F8: variants seen among roughly 807,000 people sequenced by gnomAD.
F8 encodes antihemophilic factor.
F8 carries 12 observed loss-of-function variants against 140.6 expected under a neutral mutation model. That is an observed-to-expected ratio of 0.09 (90% CI 0.05 to 0.14). The LOEUF (loss-of-function observed/expected upper bound fraction) is 0.14, where lower values mean the gene tolerates loss of function less well. Among genes scored for constraint, F8 ranks in the 10% least tolerant of loss-of-function variants. F8 has a pLI of 1.00. For missense variants in F8, 1,354 were observed against 1,720.7 expected (o/e 0.79, Z 3.77); for synonymous variants, 585 against 614.6 (o/e 0.95, Z 0.71).
chrX:154,940,944 C>A (rs1200466780), intron 13 of F8, among the ~76,000 whole-genome samples: 1 of 111,490 alleles, frequency 9.0e-6, no homozygotes, highest in African/African-American at 3.3e-5. Flanking sequence ...GAAATAAAAT[C>A]CTTTACAGAC....
chrX:154,869,084 CCA>C (rs368794953), intron 22 of F8, among the ~76,000 whole-genome samples: 90 of 111,182 alleles, frequency 8.1e-4, no homozygotes, highest in African/African-American at 2.9e-3. Context: ...ACGTAGACTC[CCA>C]CACAATAATA....
In F8 at chrX:154,999,614, G is replaced by C; in HGVS notation, c.144-14C>G. On this transcript the variant is annotated splice_polypyrimidine_tract_variant and intron_variant, in intron 1 of 25. Coordinates refer to ENST00000360256, the MANE Select transcript of F8 (RefSeq NM_000132.4). ...CTAGGAGGAAATCTGCGTGAAGAAAGGAAAAAGTCGTTCATTTTGGTGGAC... is the reference window on the plus strand; with the variant it reads ...CTAGGAGGAAATCTGCGTGAAGAAACGAAAAAGTCGTTCATTTTGGTGGAC... The C allele has an allele frequency of 8.3e-7, 1 of 1,198,681 alleles. No homozygotes were observed. Among genetic ancestry groups the C allele is most frequent in the Non-Finnish European group, 1.1e-6 (1 of 887,055 alleles).
chrX:154,948,108 C>T (rs1469980001), intron 12 of F8, among the ~76,000 whole-genome samples: 1 of 111,062 alleles, frequency 9.0e-6, no homozygotes, highest in African/African-American at 3.3e-5. Context: ...AGTCATAAAC[C>T]ATCATGATAA....
intron 3 of F8, among the ~76,000 whole-genome samples, chrX:154,995,139 T>C (rs1175257507): frequency 2.7e-5 from 3 of 111,999 alleles, no homozygotes; most frequent in Non-Finnish European, 5.6e-5. Context: ...GGCACATGTT[T>C]GTTTGTTATA....
At chrX:154,872,208 C>T (rs944472991) in intron 22 of F8, among the ~76,000 whole-genome samples, 4 of 111,783 alleles carry the variant, frequency 3.6e-5, no homozygotes, top group Non-Finnish European at 7.5e-5. Flanking sequence ...GGCATATACC[C>T]AAAGGATTAT....
In F8 at chrX:154,930,116, T is replaced by C. The variant is rs201205760; in HGVS notation, c.3674A>G (p.Gln1225Arg). ...TATCTGAGGCAAAACTACATTCTCT[T>C]GGATTAATGTTTCCTTCTTTTCTAT... is the stretch of plus-strand genomic sequence containing the variant. ...EEIEKKETLI[Q>R]ENVVLPQIHT... Residue 1225 changes from glutamine to arginine, a missense_variant, in exon 14 of 26, where the codon CAA becomes CGA. By Grantham distance (43) the Gln-to-Arg change is conservative. Transcript: ENST00000360256. 2.4e-5 allele frequency: 29 copies of C among 1,208,084 alleles called. No homozygotes were observed. Among genetic ancestry groups the C allele is most frequent in the Non-Finnish European group, 3.2e-5 (29 of 894,018 alleles).
intron 9 of F8, among the ~76,000 whole-genome samples, chrX:154,962,893 C>CGAGA (rs141726799): frequency 0.022 from 2,137 of 95,863 alleles, 26 homozygotes; most frequent in Middle Eastern, 0.042. Context: ...GAGACAGAGA[C>CGAGA]GAGAGAGAGA....
chrX:154,911,241 G>A (rs1398762254), intron 14 of F8, among the ~76,000 whole-genome samples: 1 of 108,021 alleles, frequency 9.3e-6, no homozygotes. Flanking sequence ...TCTTTTCTCA[G>A]TCTCTCGTCC....
chrX:154,924,842 A>G (rs1222908730), intron 14 of F8, among the ~76,000 whole-genome samples: 1 of 112,656 alleles, frequency 8.9e-6, no homozygotes, highest in Non-Finnish European at 1.9e-5. Flanking sequence ...CTATGAAGCC[A>G]CAGCCTGAGC....
chrX:154,965,329 G>A (rs782467691), intron 9 of F8, among the ~76,000 whole-genome samples: 43 of 111,364 alleles, frequency 3.9e-4, no homozygotes, highest in African/African-American at 1.3e-3. Flanking sequence ...ATTCTTCAGC[G>A]GCTGAATTTA....
At chrX:155,000,442 G>T (rs903511335) in intron 1 of F8, among the ~76,000 whole-genome samples, 2 of 112,274 alleles carry the variant, frequency 1.8e-5, no homozygotes. Context: ...ATGCCATAAA[G>T]AGCCTCTCTT....
intron 22 of F8, among the ~76,000 whole-genome samples, chrX:154,864,918 CTTAT>C (rs2072720363): frequency 9.0e-6 from 1 of 111,148 alleles, no homozygotes. Context: ...AGAAAGGAAA[CTTAT>C]TTAAAGAAAT....
At chrX:154,964,119 G>A (rs781911015) in intron 9 of F8, among the ~76,000 whole-genome samples, 1 of 110,031 alleles carries the variant, frequency 9.1e-6, no homozygotes, top group Admixed American at 9.7e-5. Flanking sequence ...ATTTGTACAT[G>A]TATGCACTAC....
chrX:155,001,969 A>C (rs2073648851), intron 1 of F8, among the ~76,000 whole-genome samples: 2 of 112,332 alleles, frequency 1.8e-5, no homozygotes, highest in African/African-American at 3.2e-5. Context: ...TTATGTTGTA[A>C]ACTGAAACTG....
chrX:154,953,071 C>T (rs1167715833), intron 12 of F8, among the ~76,000 whole-genome samples: 2 of 111,796 alleles, frequency 1.8e-5, no homozygotes, highest in Admixed American at 9.5e-5. Flanking sequence ...TATTCTATTT[C>T]GCATTTCCCT....
At chrX:154,859,826 G>A (rs1557272708) in intron 25 of F8, among the ~76,000 whole-genome samples, 1 of 111,110 alleles carries the variant, frequency 9.0e-6, no homozygotes, top group African/African-American at 3.3e-5. Context: ...AGTGGCAGTA[G>A]AGGGTAGCTA....
chrX:155,014,540 T>G (rs782389612), intron 1 of F8, among the ~76,000 whole-genome samples: 8 of 112,347 alleles, frequency 7.1e-5, no homozygotes, highest in Non-Finnish European at 1.5e-4. Context: ...CTAAAAGAAG[T>G]GCAAAACGCT....
At chrX:154,846,346 T>C (rs1280077766) in intron 25 of F8, among the ~76,000 whole-genome samples, 4 of 111,548 alleles carry the variant, frequency 3.6e-5, no homozygotes, top group Admixed American at 1.9e-4. Flanking sequence ...CTTGTTAACT[T>C]TCTGTCTCGT....
At chrX:154,846,974 G>T (rs1414380858) in intron 25 of F8, among the ~76,000 whole-genome samples, 2 of 111,786 alleles carry the variant, frequency 1.8e-5, no homozygotes, top group Non-Finnish European at 3.8e-5. Flanking sequence ...TGTAGGGCAA[G>T]CCTGGTGGTG....
Sources: allele counts gnomAD v4.1 joint callset (sites outside exome capture counted in the v4.1 genomes callset), GRCh38; gene constraint gnomAD v4.1.1; transcripts MANE v1.5; gene names NCBI Gene and HGNC (gene_info 2026-07-23, HGNC 2026-07-21).